The following B4GALNT2 variants were observed in gnomAD, a reference collection of about 807,000 sequenced individuals.
The protein encoded by B4GALNT2 is beta-1,4-N-acetyl-galactosaminyltransferase 2 (SID blood group).
B4GALNT2 carries 42 observed loss-of-function variants against 51.1 expected under a neutral mutation model. The observed-to-expected ratio is 0.82, with a 90% confidence interval of 0.64 to 1.06. The LOEUF is 1.06. Ranked by LOEUF, B4GALNT2 falls within the 50% of genes least tolerant of loss-of-function variation. B4GALNT2 has a pLI of 0.00. For missense variants in B4GALNT2, 602 were observed against 633.6 expected, an observed-to-expected ratio of 0.95 and a Z score of 0.54; for synonymous variants, 253 against 251.7, an observed-to-expected ratio of 1.01 and a Z score of -0.05.
rs561630814 is a variant in B4GALNT2, at chr17:49,136,611, A to G, written c.14+3805A>G. 1.8e-4 allele frequency among the ~76,000 whole-genome samples: 28 copies of G among 152,016 alleles called. No homozygotes were observed. The South Asian group carries it at 5.4e-3, about 29-fold the overall frequency. ...ACCCAGGCTGGAGCACAGTGGCGCG[A>G]TCTCAGCCCACTGCAACCTCCACCT... is the stretch of plus-strand genomic sequence containing the variant. On this transcript the variant is annotated intron_variant, in intron 1 of 10. Coordinates refer to ENST00000393354, the MANE Select transcript of B4GALNT2 (RefSeq NM_001159387.2).
chr17:49,156,492 AGGTT>A, intron 4 of B4GALNT2, 70 bp from the exon 5 acceptor site: 1 of 1,511,476 alleles, frequency 6.6e-7, no homozygotes, highest in South Asian at 1.2e-5. Context: ...GGAGTCCATG[AGGTT>A]GGCGAGAGCA....
At position 49,174,420 on chromosome 17, in the gene B4GALNT2, C is replaced by A. The variant is rs2042975497; in HGVS notation, c.*4692C>A. ...GCAGGAATTGTAAATGCAAACCATT[C>A]ACAGTCCTGCTCAGCTAAGGGGATA... is the stretch of plus-strand genomic sequence containing the variant. On this transcript the variant is annotated 3_prime_UTR_variant, in exon 11 of 11. Transcript: ENST00000393354. The A allele has an allele frequency of 6.6e-6, 1 of 152,172 alleles. No individual in the cohort carries two copies. Among genetic ancestry groups the A allele is most frequent in the Admixed American group, 6.6e-5 (1 of 15,266 alleles). The allele number at this position is 152,172 out of a possible 1,614,324, so 9.4% of individuals were successfully genotyped here.
At chr17:49,160,067 A>G (rs1055212913) in intron 6 of B4GALNT2, among the ~76,000 whole-genome samples, 1 of 152,166 alleles carries the variant, frequency 6.6e-6, no homozygotes, top group Non-Finnish European at 1.5e-5. Context: ...TTGACCGGAT[A>G]CACAGGATGC....
At chr17:49,153,069 C>G (rs1456956452) in intron 4 of B4GALNT2, among the ~76,000 whole-genome samples, 163 bp downstream of exon 4, 2 of 152,184 alleles carry the variant, frequency 1.3e-5, no homozygotes, top group African/African-American at 4.8e-5. Context: ...TGCCAATACA[C>G]TCCAGCCTGG....
In B4GALNT2 at chr17:49,141,382, T is replaced by G. The variant is rs746041318; in HGVS notation, c.150T>G (p.Gly50=). The change falls in exon 2 of 11, where the codon GGT becomes GGG. Residue 50 remains glycine, a synonymous_variant. Transcript: ENST00000393354. The part of the protein sequence containing the change: ...PKPELPSPAP[G]VQKLKLLPEE... ...CAGAACTCCCAAGTCCTGCCCCGGG[T>G]GTCCAGAAGCTGAAGCTTCTGCCTG... The G allele has an allele frequency of 6.2e-7, 1 of 1,614,014 alleles. No homozygotes were observed. Among genetic ancestry groups the G allele is most frequent in the Non-Finnish European group, 8.5e-7 (1 of 1,179,956 alleles).
At chr17:49,128,650 G>T (rs538981499), upstream of B4GALNT2, among the ~76,000 whole-genome samples, 123 of 152,324 alleles carry the variant, frequency 8.1e-4, no homozygotes, top group African/African-American at 2.8e-3. Context: ...CATTGTCCCT[G>T]AGAATTTGAA....
At chr17:49,148,554 A>G (rs2042719564) in intron 3 of B4GALNT2, 2 of 399,750 alleles carry the variant, frequency 5.0e-6, no homozygotes, top group South Asian at 2.3e-5. Context: ...CTCTGGGGGC[A>G]GATGGAGGTC....
At position 49,134,069 on chromosome 17, in the gene B4GALNT2, C is replaced by T. The variant is rs191898806; in HGVS notation, c.14+1263C>T. On this transcript the variant is annotated intron_variant, in intron 1 of 10. Coordinates refer to ENST00000393354, the MANE Select transcript of B4GALNT2 (RefSeq NM_001159387.2). ...TTCCAGCGTTCCCCTTCCCCAACTTCCCCCACTCCACAATCCTTCATGGGT... is the reference window on the plus strand; with the variant it reads ...TTCCAGCGTTCCCCTTCCCCAACTTTCCCCACTCCACAATCCTTCATGGGT... Among the ~76,000 whole-genome samples the T allele has an allele frequency of 6.1e-4, 93 of 152,312 alleles. No individual in the cohort carries two copies. The East Asian group carries it at 0.016, about 26-fold the overall frequency.
the B4GALNT2 span, among the ~76,000 whole-genome samples, chr17:49,122,300 T>C: frequency 6.6e-6 from 1 of 152,214 alleles, no homozygotes; most frequent in East Asian, 1.9e-4. Flanking sequence ...TCCTGCTCTG[T>C]CAATCCAGAC....
At chr17:49,131,958 C>A (rs1255756254), upstream of B4GALNT2, among the ~76,000 whole-genome samples, 1 of 152,032 alleles carries the variant, frequency 6.6e-6, no homozygotes, top group Non-Finnish European at 1.5e-5. Context: ...CAGAGTGAGA[C>A]CTCCTCTCTA....
chr17:49,123,610 T>C, the B4GALNT2 span, among the ~76,000 whole-genome samples: 12 of 152,238 alleles, frequency 7.9e-5, no homozygotes, highest in African/African-American at 2.9e-4. Context: ...ATAGGCCTTT[T>C]AAATTGGCAT....
chr17:49,135,799 C>G (rs1303300614), intron 1 of B4GALNT2, among the ~76,000 whole-genome samples: 1 of 151,532 alleles, frequency 6.6e-6, no homozygotes, highest in Non-Finnish European at 1.5e-5. Flanking sequence ...CATGGTGGCT[C>G]ACGCCTGTAA....
Position 49,163,756 on chromosome 17 carries a change from C to CAA in B4GALNT2, c.767-311_767-310dup, listed in dbSNP as rs10589274. 5.4e-3 allele frequency among the ~76,000 whole-genome samples: 495 copies of CAA among 91,024 alleles called. 9 individuals carry two copies. Among genetic ancestry groups the CAA allele is most frequent in the African/African-American group, 0.013 (302 of 22,904 alleles). The allele number at this position is 91,024 out of a possible 152,430, so 59.7% of individuals were successfully genotyped here. A position where few individuals can be genotyped will look rare whatever the true frequency, so the allele number is the denominator to read the frequency against. Reference sequence around the variant, plus strand: ...GGGCAACAGAGGCAAAACTCCGTATCAAAAAAAAAAAAAAAAAAAAAAGGA... The same window carrying CAA: ...GGGCAACAGAGGCAAAACTCCGTATCAAAAAAAAAAAAAAAAAAAAAAAAGGA... On this transcript the variant is annotated intron_variant, in intron 7 of 10. Transcript: ENST00000393354.
At chr17:49,152,990 C>A (rs2042774201) in intron 4 of B4GALNT2, 84 bp downstream of exon 4, 8 of 1,238,322 alleles carry the variant, frequency 6.5e-6, no homozygotes, top group Non-Finnish European at 6.9e-6. Context: ...GGTGCAGTGG[C>A]TCATGCCTGT....
At chr17:49,140,106 C>CA (rs1555610281) in intron 1 of B4GALNT2, among the ~76,000 whole-genome samples, 1 of 143,698 alleles carries the variant, frequency 7.0e-6, no homozygotes. Flanking sequence ...GATTTTCTTT[C>CA]TTTTTTTTTT....
rs201619375 is a variant in B4GALNT2, at chr17:49,135,880, G to A, written c.14+3074G>A. Among the ~76,000 whole-genome samples, 37 of 151,294 alleles carry A rather than the reference G, an allele frequency of 2.4e-4. No homozygotes were observed. In the East Asian group the frequency reaches 7.1e-3, roughly 29 times the overall value. ...AGATCTAGACCATCCTGGCTAACACGGCGAAACTCCGTCTCTACTAAAAAT... is the reference window on the plus strand; with the variant it reads ...AGATCTAGACCATCCTGGCTAACACAGCGAAACTCCGTCTCTACTAAAAAT... On this transcript the variant is annotated intron_variant, in intron 1 of 10. Transcript: ENST00000393354.
intron 4 of B4GALNT2, among the ~76,000 whole-genome samples, chr17:49,156,342 C>T (rs745477311): frequency 6.6e-6 from 1 of 152,164 alleles, no homozygotes; most frequent in Non-Finnish European, 1.5e-5. Context: ...AAACTGAGGA[C>T]GGGCATCAGA....
rs1410001619 is a variant in B4GALNT2, at chr17:49,132,940, G to C, written c.14+134G>C. 5 of 1,385,454 alleles carry C rather than the reference G, an allele frequency of 3.6e-6. No homozygotes were observed. The African/African-American group carries it at 6.1e-5, about 17-fold the overall frequency. 85.8% of individuals were successfully genotyped at this position (1,385,454 alleles called of 1,614,324 possible). On this transcript the variant is annotated intron_variant, in intron 1 of 10. Coordinates refer to ENST00000393354, the MANE Select transcript of B4GALNT2 (RefSeq NM_001159387.2). The stretch of plus-strand genomic sequence containing the variant: ...GCCGGAGCCAGGGAGCGGGCGGTTG[G>C]AGTCTTAAGTCCAACCGGTTCCCCG...
Position 49,158,971 on chromosome 17 carries a change from T to A in B4GALNT2, c.499-66T>A. On this transcript the variant is annotated intron_variant, in intron 5 of 10. Transcript: ENST00000393354. ...CCCTGGCTCCTGGCCTGGGTATGTATGTATCTTTCCAGGGAGATATTTTCC... is the reference window on the plus strand; with the variant it reads ...CCCTGGCTCCTGGCCTGGGTATGTAAGTATCTTTCCAGGGAGATATTTTCC... 1.9e-6 allele frequency: 3 copies of A among 1,544,424 alleles called. No homozygotes were observed. The South Asian group carries it at 3.6e-5, about 18-fold the overall frequency.
Sources: allele counts gnomAD v4.1 joint callset (sites outside exome capture counted in the v4.1 genomes callset), GRCh38; gene constraint gnomAD v4.1.1; transcripts MANE v1.5; gene names NCBI Gene and HGNC (gene_info 2026-07-23, HGNC 2026-07-21).